Variants in ELL observed in about 807,000 individuals in gnomAD.
ELL encodes RNA polymerase II elongation factor ELL.
A neutral mutation model predicts 64.0 loss-of-function variants in ELL; 18 were observed. That is an observed-to-expected ratio of 0.28 (90% confidence interval 0.19 to 0.42). The LOEUF (loss-of-function observed/expected upper bound fraction) is 0.42, where lower values mean the gene tolerates loss of function less well. ELL is among the 10% of genes least tolerant of loss of function. The pLI is 1.00. For synonymous variants in ELL, 399 were observed against 376.2 expected (o/e 1.06, Z -0.70); for missense variants, 797 against 870.4 (o/e 0.92, Z 1.06).
intron 1 of ELL, among the ~76,000 whole-genome samples, chr19:18,494,348 C>A (rs1975601235): frequency 6.6e-6 from 1 of 151,914 alleles, no homozygotes; most frequent in Non-Finnish European, 1.5e-5. Flanking sequence ...GCATCAGCTC[C>A]CAGCCCACGT....
At chr19:18,453,416 G>A (rs1263658845) in intron 6 of ELL, among the ~76,000 whole-genome samples, 1 of 152,214 alleles carries the variant, frequency 6.6e-6, no homozygotes, top group African/African-American at 2.4e-5. Flanking sequence ...TGTCATCAGG[G>A]AAATGCAAAT....
intron 1 of ELL, among the ~76,000 whole-genome samples, chr19:18,479,967 A>G (rs1359049949): frequency 6.6e-6 from 1 of 152,156 alleles, no homozygotes; most frequent in East Asian, 1.9e-4. Context: ...CACTCTCCCC[A>G]GGCAGCACGT....
chr19:18,446,942 GGGGATGACTGTGTGGCAGGTGCAA>G, intron 8 of ELL, 128 bp from the exon 9 acceptor site: 2 of 1,026,480 alleles, frequency 1.9e-6, no homozygotes, highest in Non-Finnish European at 3.0e-6. Context: ...GGATAGCAGA[GGGGATGACTGTGTGGCAGGTGCAA>G]GGGCTGAGCC....
At chr19:18,507,820 A>C (rs925253972) in intron 1 of ELL, among the ~76,000 whole-genome samples, 1 of 152,150 alleles carries the variant, frequency 6.6e-6, no homozygotes, top group Non-Finnish European at 1.5e-5. Context: ...TCAGAGCCCA[A>C]CTAGAATCAG....
At chr19:18,521,571 G>T (rs1207487745) in intron 1 of ELL, among the ~76,000 whole-genome samples, 1 of 152,148 alleles carries the variant, frequency 6.6e-6, no homozygotes, top group East Asian at 1.9e-4. Flanking sequence ...CCGCCTCCTC[G>T]CCCCGCCGCC....
At chr19:18,468,411 T>C (rs1974997218) in intron 2 of ELL, among the ~76,000 whole-genome samples, 2 of 152,158 alleles carry the variant, frequency 1.3e-5, no homozygotes, top group South Asian at 2.1e-4. Flanking sequence ...CACCCTGCCC[T>C]GCCTGCACCT....
chr19:18,461,216 T>C (rs531250112), intron 5 of ELL, among the ~76,000 whole-genome samples: 23 of 152,300 alleles, frequency 1.5e-4, no homozygotes, highest in Admixed American at 3.3e-4. Flanking sequence ...GCCAGGCACG[T>C]GTAGATTCCT....
chr19:18,454,188 A>C (rs186850139), intron 6 of ELL, among the ~76,000 whole-genome samples: 1 of 152,248 alleles, frequency 6.6e-6, no homozygotes, highest in African/African-American at 2.4e-5. Flanking sequence ...ATCTGAATAA[A>C]GCTGTTATTC....
chr19:18,446,693 G>A, intron 9 of ELL, 55 bp downstream of exon 9: 3 of 1,601,386 alleles, frequency 1.9e-6, no homozygotes, highest in South Asian at 2.2e-5. Flanking sequence ...CTGGGGGAGG[G>A]GGTCTGAACC....
intron 2 of ELL, among the ~76,000 whole-genome samples, chr19:18,468,643 C>G (rs1975001734): frequency 6.6e-6 from 1 of 152,190 alleles, no homozygotes; most frequent in Non-Finnish European, 1.5e-5. Context: ...GCTCTCCCGC[C>G]CTCCTCTGTC....
chr19:18,509,825 G>A (rs1046355968), intron 1 of ELL, among the ~76,000 whole-genome samples: 2 of 152,050 alleles, frequency 1.3e-5, no homozygotes, highest in Non-Finnish European at 2.9e-5. Context: ...CCCAGCCAGT[G>A]CCCCCCAGTG....
rs1974339371 is a variant in ELL, at chr19:18,443,555, C to T, written c.*1197G>A. 1 of 233,440 alleles carries T rather than the reference C, an allele frequency of 4.3e-6. No homozygotes were observed. The highest frequency in any genetic ancestry group is 8.5e-6 in the Non-Finnish European group (1 of 118,096). The allele number at this position is 233,440 out of a possible 1,614,324, so 14.5% of individuals were successfully genotyped here. On this transcript the variant is annotated 3_prime_UTR_variant, in exon 12 of 12. Transcript: ENST00000262809. The stretch of plus-strand genomic sequence containing the variant: ...CCTAAATGGGAACACACGCCTCAGA[C>T]CCCACCATGCCCTGGGGGGTCCCCA...
intron 2 of ELL, among the ~76,000 whole-genome samples, chr19:18,466,732 T>A (rs1341254932): frequency 6.6e-6 from 1 of 152,322 alleles, no homozygotes; most frequent in Admixed American, 6.5e-5. Flanking sequence ...CCTAAACTAA[T>A]GCCTGGGCTT....
chr19:18,506,644 G>C (rs530506583), intron 1 of ELL, among the ~76,000 whole-genome samples: 108 of 152,290 alleles, frequency 7.1e-4, no homozygotes, highest in South Asian at 2.9e-3. Context: ...AGGATCACTT[G>C]AGCCCGGGAG....
chr19:18,459,694 G>T (rs565323525), intron 5 of ELL, among the ~76,000 whole-genome samples: 4 of 147,030 alleles, frequency 2.7e-5, no homozygotes, highest in South Asian at 2.1e-4. Context: ...TAATTTTTTT[G>T]TGTGTGTATT....
chr19:18,478,371 C>T (rs1445328018), intron 1 of ELL, among the ~76,000 whole-genome samples: 1 of 152,222 alleles, frequency 6.6e-6, no homozygotes, highest in East Asian at 1.9e-4. Context: ...TAGCACATGA[C>T]ACCTGCAGGG....
At chr19:18,492,348 G>A (rs1404966831) in intron 1 of ELL, among the ~76,000 whole-genome samples, 2 of 152,176 alleles carry the variant, frequency 1.3e-5, no homozygotes, top group African/African-American at 2.4e-5. Flanking sequence ...TCAGCCTAGG[G>A]GTGTCCTTGA....
intron 7 of ELL, among the ~76,000 whole-genome samples, 158 bp from the exon 8 acceptor site, chr19:18,451,133 A>G (rs560802622): frequency 3.7e-4 from 57 of 152,248 alleles, no homozygotes; most frequent in African/African-American, 1.3e-3. Flanking sequence ...GGTGCCGCTC[A>G]GGGTGGCCTC....
At chr19:18,505,243 C>T (rs561296590) in intron 1 of ELL, among the ~76,000 whole-genome samples, 1 of 152,326 alleles carries the variant, frequency 6.6e-6, no homozygotes, top group South Asian at 2.1e-4. Flanking sequence ...CTGCATCTGC[C>T]ACAGCTCACC....
Sources: allele counts gnomAD v4.1 joint callset (sites outside exome capture counted in the v4.1 genomes callset), GRCh38; gene constraint gnomAD v4.1.1; transcripts MANE v1.5; gene names NCBI Gene and HGNC (gene_info 2026-07-23, HGNC 2026-07-21).